The following UBR2 variants were observed in gnomAD, a reference collection of about 807,000 sequenced individuals.
The protein encoded by UBR2 is E3 ubiquitin-protein ligase UBR2.
In UBR2, 92 loss-of-function variants were observed where a neutral mutation model predicts 247.9. The ratio of observed to expected loss-of-function variants is 0.37; its 90% confidence interval spans 0.31 to 0.44. The LOEUF (loss-of-function observed/expected upper bound fraction) is 0.44, where lower values mean the gene tolerates loss of function less well. Ranked by LOEUF, UBR2 falls within the 20% of genes least tolerant of loss-of-function variation. The pLI, the probability that UBR2 is intolerant of heterozygous loss-of-function variation, is 1.00. For missense variants in UBR2, 1,613 were observed against 2,112.6 expected (o/e 0.76, Z 4.64); for synonymous variants, 672 against 693.5 (o/e 0.97, Z 0.49).
intron 22 of UBR2, among the ~76,000 whole-genome samples, chr6:42,648,917 G>A (rs1796938990): frequency 6.6e-6 from 1 of 151,914 alleles, no homozygotes; most frequent in African/African-American, 2.4e-5. Context: ...ATAATGGAAT[G>A]TTTCCATGTA....
At chr6:42,614,502 A>G (rs1246874468) in intron 8 of UBR2, among the ~76,000 whole-genome samples, 1 of 151,738 alleles carries the variant, frequency 6.6e-6, no homozygotes, top group African/African-American at 2.4e-5. Flanking sequence ...GCTTATATTA[A>G]TATTTGAAGA....
intron 4 of UBR2, among the ~76,000 whole-genome samples, chr6:42,600,625 C>CAAAAAAAAAAAAAAAAAAAAAAA (rs71680032): frequency 9.4e-6 from 1 of 106,168 alleles, no homozygotes; most frequent in African/African-American, 3.7e-5. Context: ...GTTACTGTAG[C>CAAAAAAAAAAAAAAAAAAAAAAA]AAAAAAAAAA....
chr6:42,637,559 G>A (rs1169887232), intron 15 of UBR2, among the ~76,000 whole-genome samples: 1 of 152,146 alleles, frequency 6.6e-6, no homozygotes, highest in Admixed American at 6.5e-5. Context: ...AGTCTATGTT[G>A]TTACCATTCA....
chr6:42,667,587 C>CTTTTTTTTTTTT (rs1161068427), intron 34 of UBR2, among the ~76,000 whole-genome samples: 5 of 47,418 alleles, frequency 1.1e-4, no homozygotes, highest in Non-Finnish European at 1.4e-4. Context: ...ACAGTTTTGT[C>CTTTTTTTTTTTT]TTTTTTTTTT....
At chr6:42,606,002 TG>T in intron 6 of UBR2, 143 bp downstream of exon 6, 1 of 755,582 alleles carries the variant, frequency 1.3e-6, no homozygotes, top group South Asian at 2.4e-5. Context: ...CTCAGCACTT[TG>T]GGAGGCCAAG....
At chr6:42,687,571 C>T (rs931563706) in intron 44 of UBR2, among the ~76,000 whole-genome samples, 4 of 151,224 alleles carry the variant, frequency 2.6e-5, no homozygotes, top group Admixed American at 2.6e-4. Context: ...GACAGGGTCT[C>T]ACTCTGTTGC....
At chr6:42,636,190 T>C (rs1294027638) in intron 14 of UBR2, among the ~76,000 whole-genome samples, 2 of 150,224 alleles carry the variant, frequency 1.3e-5, no homozygotes, top group African/African-American at 2.5e-5. Flanking sequence ...TTGTTTTTTT[T>C]TTTTTTGAGA....
intron 2 of UBR2, among the ~76,000 whole-genome samples, chr6:42,584,988 C>G (rs889494308): frequency 2.0e-5 from 3 of 152,062 alleles, no homozygotes; most frequent in African/African-American, 7.2e-5. Flanking sequence ...TTCTTGTGCT[C>G]CATTGCTCTG....
At chr6:42,652,423 AG>A (rs1797175840) in intron 24 of UBR2, 67 bp from the exon 25 acceptor site, 2 of 1,483,766 alleles carry the variant, frequency 1.3e-6, no homozygotes, top group Admixed American at 4.7e-5. Context: ...AACTATCAAA[AG>A]TAACAAAGAG....
intron 6 of UBR2, 40 bp downstream of exon 6, chr6:42,605,899 A>G (rs1398159234): frequency 6.4e-7 from 1 of 1,550,832 alleles, no homozygotes; most frequent in Non-Finnish European, 8.8e-7. Context: ...TTGAATTTTT[A>G]CTATAGGTAA....
chr6:42,643,481 A>G (rs1219772056), intron 18 of UBR2, among the ~76,000 whole-genome samples: 1 of 152,240 alleles, frequency 6.6e-6, no homozygotes, highest in East Asian at 1.9e-4. Flanking sequence ...CTGTAGTCCC[A>G]GCTACTTGGG....
At chr6:42,644,386 T>C (rs747157205) in intron 19 of UBR2, 50 bp downstream of exon 19, 7 of 1,606,218 alleles carry the variant, frequency 4.4e-6, no homozygotes. Context: ...GAAGCATCTT[T>C]CCTTCTTTTT....
At chr6:42,577,858 A>G (rs1197740022) in intron 2 of UBR2, among the ~76,000 whole-genome samples, 2 of 151,764 alleles carry the variant, frequency 1.3e-5, no homozygotes, top group African/African-American at 4.8e-5. Flanking sequence ...TTGTTTCTAG[A>G]TAGTATTTTA....
chr6:42,665,603 TC>T, intron 33 of UBR2, 91 bp downstream of exon 33: 1 of 1,022,932 alleles, frequency 9.8e-7, no homozygotes, highest in Non-Finnish European at 1.4e-6. Flanking sequence ...AAGTGAAACC[TC>T]CCATTTAAAA....
At chr6:42,657,033 G>A (rs1156967635) in intron 26 of UBR2, among the ~76,000 whole-genome samples, 3 of 151,788 alleles carry the variant, frequency 2.0e-5, no homozygotes, top group East Asian at 1.9e-4. Flanking sequence ...TCAAGAGTTC[G>A]AGACCAACCT....
intron 18 of UBR2, among the ~76,000 whole-genome samples, chr6:42,643,590 C>T (rs12211548): frequency 0.22 from 34,012 of 151,382 alleles, 3,864 homozygotes; most frequent in Middle Eastern, 0.26. Context: ...AGTGAGACTC[C>T]GTCTCAAAAA....
intron 11 of UBR2, among the ~76,000 whole-genome samples, chr6:42,623,530 C>T (rs561542449): frequency 6.6e-6 from 1 of 152,304 alleles, no homozygotes; most frequent in African/African-American, 2.4e-5. Flanking sequence ...CAGCTCACTA[C>T]AACCTCCGCC....
At chr6:42,592,555 G>A (rs1416949344) in intron 3 of UBR2, among the ~76,000 whole-genome samples, 4 of 152,114 alleles carry the variant, frequency 2.6e-5, no homozygotes, top group African/African-American at 4.8e-5. Context: ...CAGCACCTAC[G>A]ACCCACCAGT....
chr6:42,606,815 T>A (rs1793733814), intron 7 of UBR2, among the ~76,000 whole-genome samples, 164 bp downstream of exon 7: 1 of 152,232 alleles, frequency 6.6e-6, no homozygotes. Context: ...ATCTAGTTTT[T>A]TAAAGCTGTG....
Sources: gnomAD v4.1 joint callset for allele counts (sites outside exome capture counted in the v4.1 genomes callset) on GRCh38, gnomAD v4.1.1 for gene constraint, MANE v1.5 for transcripts, NCBI Gene and HGNC (gene_info 2026-07-23, HGNC 2026-07-21) for gene names.